Variants in AGAP1 observed in about 807,000 individuals in gnomAD.
The protein encoded by AGAP1 is arf-GAP with GTPase, ANK repeat and PH domain-containing protein 1.
In AGAP1, 29 loss-of-function variants were observed where a neutral mutation model predicts 105.3. The observed-to-expected ratio is 0.28, with a 90% CI of 0.21 to 0.38. The LOEUF is 0.38. Ranked by LOEUF, AGAP1 falls within the 10% of genes least tolerant of loss-of-function variation. The pLI is 1.00. For synonymous variants in AGAP1, 509 were observed against 485.9 expected (o/e 1.05, Z -0.63); for missense variants, 998 against 1,165.1 (o/e 0.86, Z 2.09).
At position 235,553,818 on chromosome 2, in the gene AGAP1, G is replaced by C. The variant is rs140542700; in HGVS notation, c.163+58969G>C. Among the ~76,000 whole-genome samples the C allele has an allele frequency of 6.6e-6, 1 of 152,288 alleles. No individual in the cohort carries two copies. Among genetic ancestry groups the C allele is most frequent in the Non-Finnish European group, 1.5e-5 (1 of 68,002 alleles). ...CTCCTCATGCTGAGCAACTGACGTC[G>C]TATTTCCACCCGACAATGGCTTGAT... On this transcript the variant is annotated intron_variant, in intron 1 of 17. Transcript: ENST00000304032. This position sits in a 1 kb window ranked among gnomAD's most constrained non-coding sequence, Gnocchi z 4.5.
intron 9 of AGAP1, among the ~76,000 whole-genome samples, chr2:235,850,702 T>C (rs1359396634): frequency 6.6e-6 from 1 of 152,264 alleles, no homozygotes; most frequent in African/African-American, 2.4e-5. Flanking sequence ...AAAGTTTTCC[T>C]GTTTCTAGTC....
At chr2:235,807,648 CAG>C (rs929265296) in intron 9 of AGAP1, among the ~76,000 whole-genome samples, 7 of 152,194 alleles carry the variant, frequency 4.6e-5, no homozygotes, top group Non-Finnish European at 4.4e-5. Flanking sequence ...CGCCGGGCAA[CAG>C]GGGTAACTCA....
chr2:236,097,318 A>C (rs905815794), intron 16 of AGAP1, among the ~76,000 whole-genome samples: 182 of 148,904 alleles, frequency 1.2e-3, no homozygotes, highest in African/African-American at 4.3e-3. Context: ...GCAAAGGAGC[A>C]CCAGATTCTG....
chr2:235,811,886 G>T (rs1045850409), intron 9 of AGAP1, among the ~76,000 whole-genome samples: 3 of 152,340 alleles, frequency 2.0e-5, no homozygotes, highest in African/African-American at 7.2e-5. Flanking sequence ...TTGATCACCT[G>T]GCTGATGTTT....
At chr2:236,093,155 T>C (rs1026712655) in intron 16 of AGAP1, among the ~76,000 whole-genome samples, 2 of 152,192 alleles carry the variant, frequency 1.3e-5, no homozygotes, top group African/African-American at 4.8e-5. Context: ...AAACGTGATA[T>C]TTTAATTGGT....
intron 1 of AGAP1, among the ~76,000 whole-genome samples, chr2:235,679,391 T>C (rs139952225): frequency 7.9e-5 from 12 of 152,330 alleles, no homozygotes; most frequent in African/African-American, 2.9e-4. Context: ...GTGGATTTCT[T>C]ATATCCCGAA....
chr2:235,508,371 C>A (rs1294936240), intron 1 of AGAP1, among the ~76,000 whole-genome samples: 1 of 152,152 alleles, frequency 6.6e-6, no homozygotes, highest in Non-Finnish European at 1.5e-5. Flanking sequence ...AGAAATCAGC[C>A]CATAAGTCTG....
In AGAP1 at chr2:236,049,124, A is replaced by C. The variant is rs753087729; in HGVS notation, c.1957A>C (p.Asn653His). ...CATCGAATGCTCAGGGATCCACCGG[A>C]ATCTTGGCACCCACCTTTCCCGAGT... The part of the protein sequence containing the change: ...MCIECSGIHR[N>H]LGTHLSRVRS... The change falls in exon 16 of 18, where the codon AAT becomes CAT. Residue 653 changes from asparagine to histidine, a missense_variant. Asn to His is a moderately conservative substitution (Grantham distance 68). This residue lies in a region of AGAP1 where 28 missense variants were observed against 61.0 expected (regional missense o/e 0.46). Transcript: ENST00000304032. The C allele has an allele frequency of 2.5e-6, 4 of 1,614,198 alleles. No homozygotes were observed. The highest frequency in any genetic ancestry group is 3.4e-6 in the Non-Finnish European group (4 of 1,180,042).
Position 235,729,828 on chromosome 2 carries a change from G to A in AGAP1, c.311-11135G>A, listed in dbSNP as rs1343605159. 6.6e-6 allele frequency among the ~76,000 whole-genome samples: 1 copy of A among 152,140 alleles called. No homozygotes were observed. The highest frequency in any genetic ancestry group is 2.4e-5 in the African/African-American group (1 of 41,400). ...AGCGACTTGTCACCTCTTCCGTGTT[G>A]CTACTGCCTGAGAACAGAGGTTTTT... is the stretch of plus-strand genomic sequence containing the variant. On this transcript the variant is annotated intron_variant, in intron 3 of 17. Transcript: ENST00000304032. The surrounding 1 kb of genome is among the most constrained non-coding windows in gnomAD (Gnocchi z 5.0).
In AGAP1 at chr2:236,040,115, A is replaced by C. The variant is rs1344783403; in HGVS notation, c.1801-636A>C. On this transcript the variant is annotated intron_variant, in intron 14 of 17. Transcript: ENST00000304032. The surrounding 1 kb of genome is among the most constrained non-coding windows in gnomAD (Gnocchi z 5.6). Reference sequence around the variant, plus strand: ...CACAGAGCGAGACACTGGCTCAAAAAATAATAATAATAAATAAATAAATAA... The same window carrying C: ...CACAGAGCGAGACACTGGCTCAAAACATAATAATAATAAATAAATAAATAA... Among the ~76,000 whole-genome samples, 1 of 152,064 alleles carries C rather than the reference A, an allele frequency of 6.6e-6. No homozygotes were observed. The highest frequency in any genetic ancestry group is 1.5e-5 in the Non-Finnish European group (1 of 68,006).
chr2:235,907,055 C>T (rs554502937), intron 10 of AGAP1, among the ~76,000 whole-genome samples: 2 of 152,220 alleles, frequency 1.3e-5, no homozygotes, highest in Admixed American at 1.3e-4. Context: ...CAGCCCGTTT[C>T]CTGGAAGCCA....
At position 235,556,736 on chromosome 2, in the gene AGAP1, A is replaced by G. The variant is rs536715915; in HGVS notation, c.163+61887A>G. 6.6e-6 allele frequency among the ~76,000 whole-genome samples: 1 copy of G among 152,358 alleles called. No individual in the cohort carries two copies. Among genetic ancestry groups the G allele is most frequent in the African/African-American group, 2.4e-5 (1 of 41,592 alleles). ...TGCCTTAGAAAGTACAGTAAGATGA[A>G]TATTAAACTTTTCAGACTGTAAGAT... On this transcript the variant is annotated intron_variant, in intron 1 of 17. Coordinates refer to ENST00000304032, the MANE Select transcript of AGAP1 (RefSeq NM_001037131.3). The surrounding 1 kb of genome is among the most constrained non-coding windows in gnomAD (Gnocchi z 5.3).
chr2:235,514,781 G>A (rs1485442574), intron 1 of AGAP1, among the ~76,000 whole-genome samples: 1 of 152,240 alleles, frequency 6.6e-6, no homozygotes, highest in Non-Finnish European at 1.5e-5. Flanking sequence ...GTCTCATCCA[G>A]GACTGGACAC....
chr2:235,657,674 G>T (rs1205452533), intron 1 of AGAP1, among the ~76,000 whole-genome samples: 1 of 152,148 alleles, frequency 6.6e-6, no homozygotes, highest in South Asian at 2.1e-4. Context: ...GAGCCACCGC[G>T]CCCAGCCCAG....
At position 235,535,136 on chromosome 2, in the gene AGAP1, G is replaced by C. The variant is rs570540866; in HGVS notation, c.163+40287G>C. Among the ~76,000 whole-genome samples, 1 of 152,160 alleles carries C rather than the reference G, an allele frequency of 6.6e-6. No homozygotes were observed. The highest frequency in any genetic ancestry group is 1.5e-5 in the Non-Finnish European group (1 of 68,030). Reference sequence around the variant, plus strand: ...CCAGGGCCAATACTTATCCGCAGGGGTGTGTGCCAGGCAGCCCAGGTCAGC... The same window carrying C: ...CCAGGGCCAATACTTATCCGCAGGGCTGTGTGCCAGGCAGCCCAGGTCAGC... On this transcript the variant is annotated intron_variant, in intron 1 of 17. Transcript: ENST00000304032. The surrounding 1 kb of genome is among the most constrained non-coding windows in gnomAD (Gnocchi z 5.1).
intron 1 of AGAP1, among the ~76,000 whole-genome samples, chr2:235,533,812 G>C (rs1001799810): frequency 6.6e-6 from 1 of 152,242 alleles, no homozygotes; most frequent in African/African-American, 2.4e-5. Flanking sequence ...CCTCCCCGCT[G>C]GCCCCTCTGT....
rs2059975082 is a variant in AGAP1 at position 236,124,629 on chromosome 2, G to A, written c.*507G>A. ...TTGTCAGGTTTGAAGCCCCTATGATGGTGTGTGTCAAATCAGTTGTAGCTA... is the reference window on the plus strand; with the variant it reads ...TTGTCAGGTTTGAAGCCCCTATGATAGTGTGTGTCAAATCAGTTGTAGCTA... On this transcript the variant is annotated 3_prime_UTR_variant, in exon 18 of 18. Transcript: ENST00000304032. This position sits in a 1 kb window ranked among gnomAD's most constrained non-coding sequence, Gnocchi z 5.1. 5.4e-6 allele frequency: 1 copy of A among 184,888 alleles called. No individual in the cohort carries two copies. Among genetic ancestry groups the A allele is most frequent in the South Asian group, 1.2e-4 (1 of 8,470 alleles). 11.5% of individuals were successfully genotyped at this position (184,888 alleles called of 1,614,324 possible).
chr2:235,987,374 G>T (rs1209622093), intron 13 of AGAP1, among the ~76,000 whole-genome samples: 4 of 151,312 alleles, frequency 2.6e-5, no homozygotes, highest in Admixed American at 6.6e-5. Context: ...TATTATGTCT[G>T]TTTGATTTTT....
Position 235,875,017 on chromosome 2 carries a change from C to T in AGAP1, c.1051-8328C>T, listed in dbSNP as rs1032910451. Among the ~76,000 whole-genome samples, 1 of 152,206 alleles carries T rather than the reference C, an allele frequency of 6.6e-6. No individual in the cohort carries two copies. The highest frequency in any genetic ancestry group is 2.1e-4 in the South Asian group (1 of 4,834). On this transcript the variant is annotated intron_variant, in intron 9 of 17. Coordinates refer to ENST00000304032, the MANE Select transcript of AGAP1 (RefSeq NM_001037131.3). The surrounding 1 kb of genome is among the most constrained non-coding windows in gnomAD (Gnocchi z 4.0). ...ACGTGGGCAAAAAAAGAAACTAGAA[C>T]TGGTTGAAGACTGAGTTTTGGGAGA...
Sources: allele counts gnomAD v4.1 joint callset (sites outside exome capture counted in the v4.1 genomes callset), GRCh38; gene constraint gnomAD v4.1.1; regional missense constraint gnomAD v4.1.1; non-coding constraint Gnocchi (gnomAD v3.1); transcripts MANE v1.5; gene names NCBI Gene and HGNC (gene_info 2026-07-23, HGNC 2026-07-21).